Variants in SLC35F4 observed in about 807,000 individuals in gnomAD.
SLC35F4 encodes the protein solute carrier family 35 member F4.
SLC35F4 carries 24 observed loss-of-function variants against 44.2 expected under a neutral mutation model. That is an observed-to-expected ratio of 0.54 (90% confidence interval 0.39 to 0.76). SLC35F4 has a LOEUF of 0.76. SLC35F4 is among the 30% of genes least tolerant of loss of function. The pLI, the probability that SLC35F4 is intolerant of heterozygous loss-of-function variation, is 0.00. For missense variants in SLC35F4, 562 were observed against 586.1 expected, an observed-to-expected ratio of 0.96 and a Z score of 0.42; for synonymous variants, 238 against 223.6, an observed-to-expected ratio of 1.06 and a Z score of -0.57.
intron 1 of SLC35F4, among the ~76,000 whole-genome samples, chr14:57,815,520 T>G (rs1024419742): frequency 2.0e-5 from 3 of 152,194 alleles, no homozygotes; most frequent in African/African-American, 7.2e-5. Context: ...TGAGACAAAC[T>G]CTAAAACATT....
intron 1 of SLC35F4, among the ~76,000 whole-genome samples, chr14:57,651,509 A>G (rs1240038002): frequency 1.3e-5 from 2 of 152,130 alleles, no homozygotes; most frequent in African/African-American, 4.8e-5. Context: ...CAGCCGTCAC[A>G]GATACCGAGA....
At chr14:57,616,393 G>A (rs954155617) in intron 1 of SLC35F4, among the ~76,000 whole-genome samples, 2 of 152,196 alleles carry the variant, frequency 1.3e-5, no homozygotes, top group Admixed American at 6.5e-5. Flanking sequence ...ATTAAACTGT[G>A]ATGATTAACT....
intron 1 of SLC35F4, among the ~76,000 whole-genome samples, chr14:57,929,572 C>G (rs1487035794): frequency 1.3e-5 from 2 of 152,152 alleles, no homozygotes; most frequent in East Asian, 3.8e-4. Context: ...ACAAAATCCT[C>G]TCACACCTAC....
At chr14:57,730,906 T>C (rs577972894) in intron 1 of SLC35F4, among the ~76,000 whole-genome samples, 3 of 152,330 alleles carry the variant, frequency 2.0e-5, no homozygotes, top group East Asian at 3.9e-4. Context: ...CAAAATGTCA[T>C]ATTACATGGT....
intron 1 of SLC35F4, among the ~76,000 whole-genome samples, chr14:57,799,695 A>C (rs749354488): frequency 1.3e-5 from 2 of 152,240 alleles, no homozygotes; most frequent in African/African-American, 4.8e-5. Context: ...CAAATGGTCA[A>C]AACGAGGAAG....
chr14:57,611,246 C>T (rs2071478535), intron 1 of SLC35F4, among the ~76,000 whole-genome samples: 2 of 152,136 alleles, frequency 1.3e-5, no homozygotes, highest in Admixed American at 6.5e-5. Flanking sequence ...TAAAAGGAGA[C>T]AGAAGCCAGA....
chr14:57,804,997 G>A (rs1881130891), intron 1 of SLC35F4, among the ~76,000 whole-genome samples: 2 of 152,020 alleles, frequency 1.3e-5, no homozygotes, highest in African/African-American at 4.8e-5. Context: ...AGACATACAG[G>A]TGGCCAACAA....
chr14:57,676,339 C>T (rs147499039), intron 1 of SLC35F4, among the ~76,000 whole-genome samples: 4 of 152,002 alleles, frequency 2.6e-5, no homozygotes, highest in African/African-American at 9.7e-5. Context: ...AACGGAAAAC[C>T]AAACACCACA....
intron 1 of SLC35F4, among the ~76,000 whole-genome samples, chr14:57,791,226 G>C (rs1287347976): frequency 6.6e-6 from 1 of 152,026 alleles, no homozygotes; most frequent in Non-Finnish European, 1.5e-5. Flanking sequence ...AAATTTTGCA[G>C]TCTATTCATC....
intron 1 of SLC35F4, among the ~76,000 whole-genome samples, chr14:57,865,061 C>T (rs960988381): frequency 9.1e-6 from 1 of 110,246 alleles, no homozygotes; most frequent in African/African-American, 4.6e-5. Flanking sequence ...TTCTCAGACC[C>T]CCCCCCCCCA....
chr14:57,620,909 T>A lies in SLC35F4; in HGVS notation c.104-26785A>T, dbSNP rs540941768. Among the ~76,000 whole-genome samples, 48 of 152,202 alleles carry A rather than the reference T, an allele frequency of 3.2e-4. 1 individual carries two copies. The South Asian group carries it at 1.0e-2, about 32-fold the overall frequency. The stretch of plus-strand genomic sequence containing the variant: ...TTGCAGATGTACATGATTGTACATC[T>A]AGAAAACCCCATCATCTCAGCCCAA... On this transcript the variant is annotated intron_variant, in intron 1 of 7. Coordinates refer to ENST00000556826, the MANE Select transcript of SLC35F4 (RefSeq NM_001306087.2).
chr14:57,588,762 G>A (rs952790835), intron 3 of SLC35F4, among the ~76,000 whole-genome samples: 4 of 152,170 alleles, frequency 2.6e-5, no homozygotes, highest in Non-Finnish European at 5.9e-5. Flanking sequence ...GGAATATTGA[G>A]CAAATGTTTG....
At chr14:57,760,990 A>G (rs1279350647) in intron 1 of SLC35F4, among the ~76,000 whole-genome samples, 1 of 152,046 alleles carries the variant, frequency 6.6e-6, no homozygotes, top group African/African-American at 2.4e-5. Flanking sequence ...ATCTAACCAC[A>G]TTGGTTTTTC....
intron 1 of SLC35F4, among the ~76,000 whole-genome samples, chr14:57,757,432 T>C (rs1226864555): frequency 2.0e-5 from 3 of 152,184 alleles, no homozygotes; most frequent in African/African-American, 4.8e-5. Context: ...CTGTTCTATG[T>C]TCTGTTTTTC....
intron 1 of SLC35F4, among the ~76,000 whole-genome samples, chr14:57,821,097 T>C (rs8020751): frequency 0.18 from 27,420 of 152,254 alleles, 3,262 homozygotes; most frequent in African/African-American, 0.34. Flanking sequence ...GCCTGTTCTG[T>C]CATTGTCGTG....
Position 57,581,434 on chromosome 14 carries a change from C to T in SLC35F4, c.588-1G>A. ...TTCACCAAAAATCCGACTGCATTCC[C>T]TAGGAAAGAAAAGAGAAGTTAATAT... On this transcript the variant is annotated splice_acceptor_variant, in intron 3 of 7. Transcript: ENST00000556826. LOFTEE classifies it high-confidence loss of function. The T allele has an allele frequency of 6.2e-7, 1 of 1,604,702 alleles. No individual in the cohort carries two copies. The highest frequency in any genetic ancestry group is 8.5e-7 in the Non-Finnish European group (1 of 1,175,398).
intron 1 of SLC35F4, among the ~76,000 whole-genome samples, chr14:57,780,115 A>T (rs1389223327): frequency 6.6e-6 from 1 of 152,208 alleles, no homozygotes; most frequent in Non-Finnish European, 1.5e-5. Context: ...AATAAATGAC[A>T]TCCAAATAGA....
At chr14:57,911,252 C>G (rs1889211025) in intron 1 of SLC35F4, among the ~76,000 whole-genome samples, 1 of 151,416 alleles carries the variant, frequency 6.6e-6, no homozygotes, top group South Asian at 2.1e-4. Flanking sequence ...ATTTTTTTTC[C>G]TTCCTAATCT....
chr14:57,691,785 G>A (rs2075238872), intron 1 of SLC35F4, among the ~76,000 whole-genome samples: 1 of 152,112 alleles, frequency 6.6e-6, no homozygotes, highest in African/African-American at 2.4e-5. Flanking sequence ...ACTCTAATAG[G>A]AGAGACGAGA....
Sources: gnomAD v4.1 joint callset for allele counts (sites outside exome capture counted in the v4.1 genomes callset) on GRCh38, gnomAD v4.1.1 for gene constraint, MANE v1.5 for transcripts, NCBI Gene and HGNC (gene_info 2026-07-23, HGNC 2026-07-21) for gene names.